Variants in ATP1B3 observed in about 807,000 individuals in gnomAD.
ATP1B3 encodes the protein sodium/potassium-transporting ATPase subunit beta-3.
ATP1B3 carries 10 observed loss-of-function variants against 30.2 expected under a neutral mutation model. The observed-to-expected ratio is 0.33, with a 90% confidence interval of 0.20 to 0.56. ATP1B3 has a LOEUF of 0.56. Among genes scored for constraint, ATP1B3 ranks in the 20% least tolerant of loss-of-function variants. The pLI, the probability that ATP1B3 is intolerant of heterozygous loss-of-function variation, is 0.90. For missense variants in ATP1B3, 238 were observed against 336.7 expected (o/e 0.71, Z 2.29); for synonymous variants, 113 against 117.0 (o/e 0.97, Z 0.22).
At chr3:141,916,166 A>C (rs1322083039) in intron 5 of ATP1B3, 146 bp downstream of exon 5, 1 of 656,344 alleles carries the variant, frequency 1.5e-6, no homozygotes, top group Non-Finnish European at 2.6e-6. Context: ...CACCAACCGT[A>C]GTCTTTCTCT....
chr3:141,907,034 G>A (rs1187112403), intron 2 of ATP1B3, 133 bp from the exon 3 acceptor site: 1 of 522,214 alleles, frequency 1.9e-6, no homozygotes, highest in East Asian at 3.3e-5. Flanking sequence ...TTAGAATTGG[G>A]AAGTTCTTGA....
chr3:141,884,442 CT>C (rs1933792654), intron 1 of ATP1B3, among the ~76,000 whole-genome samples: 1 of 152,092 alleles, frequency 6.6e-6, no homozygotes. Context: ...CTCTTCCTGT[CT>C]TCTAAGTGTT....
intron 1 of ATP1B3, among the ~76,000 whole-genome samples, chr3:141,886,585 A>G (rs1232600359): frequency 6.6e-6 from 1 of 152,232 alleles, no homozygotes; most frequent in Non-Finnish European, 1.5e-5. Context: ...GATGCATCTC[A>G]GAATACACCA....
Position 141,920,640 on chromosome 3 carries a change from A to G in ATP1B3, c.583-1337A>G, listed in dbSNP as rs1486568847. On this transcript the variant is annotated intron_variant, in intron 5 of 6. Transcript: ENST00000286371. ...ATGTGTTCTGTGAAGGTCATATATT[A>G]AGGTAAAATAGGTTCAACAAAAGCA... 2.0e-5 allele frequency among the ~76,000 whole-genome samples: 3 copies of G among 152,160 alleles called. No individual in the cohort carries two copies. The East Asian group carries it at 5.8e-4, about 29-fold the overall frequency.
chr3:141,897,705 G>T (rs1301682917), intron 1 of ATP1B3, among the ~76,000 whole-genome samples: 1 of 151,994 alleles, frequency 6.6e-6, no homozygotes, highest in Non-Finnish European at 1.5e-5. Flanking sequence ...TCGGGTTTTT[G>T]TTTTTGTTTT....
chr3:141,925,752 T>C lies in ATP1B3; in HGVS notation c.*51T>C, dbSNP rs1934647623. ...AAATGTTGTGTTGTCTGTCTTCATT[T>C]TGTAACAGCTGGACCTTCCATTCTA... is the stretch of plus-strand genomic sequence containing the variant. On this transcript the variant is annotated 3_prime_UTR_variant, in exon 7 of 7. Transcript: ENST00000286371. 1.9e-6 allele frequency: 3 copies of C among 1,571,436 alleles called. No individual in the cohort carries two copies. The highest frequency in any genetic ancestry group is 2.6e-6 in the Non-Finnish European group (3 of 1,158,576).
At chr3:141,897,468 G>A (rs1389044849) in intron 1 of ATP1B3, among the ~76,000 whole-genome samples, 1 of 152,156 alleles carries the variant, frequency 6.6e-6, no homozygotes, top group Non-Finnish European at 1.5e-5. Context: ...TTTATTTAGA[G>A]AATGGGAGTT....
chr3:141,900,313 C>T (rs192178473), intron 1 of ATP1B3, among the ~76,000 whole-genome samples: 161 of 152,220 alleles, frequency 1.1e-3, no homozygotes, highest in African/African-American at 3.8e-3. Flanking sequence ...ATCATACCTA[C>T]ATAATGAAAC....
intron 6 of ATP1B3, among the ~76,000 whole-genome samples, chr3:141,925,240 A>G (rs1443603839): frequency 6.6e-6 from 1 of 152,144 alleles, no homozygotes; most frequent in Non-Finnish European, 1.5e-5. Flanking sequence ...GGTGAGGTGG[A>G]AGGGCCATTT....
In ATP1B3 at chr3:141,903,611, C is replaced by A; in HGVS notation, c.110-9C>A. On this transcript the variant is annotated splice_polypyrimidine_tract_variant and intron_variant, in intron 1 of 6. Coordinates refer to ENST00000286371, the MANE Select transcript of ATP1B3 (RefSeq NM_001679.4). ...GTGCACATTTCATAAGTTTTATTTT[C>A]TTTTACAGGTTTGATCTTGCTCTTC... 6.2e-7 allele frequency: 1 copy of A among 1,613,192 alleles called. No homozygotes were observed. The highest frequency in any genetic ancestry group is 8.5e-7 in the Non-Finnish European group (1 of 1,179,406).
intron 1 of ATP1B3, chr3:141,902,152 A>G (rs1019301307): frequency 7.8e-7 from 1 of 1,289,724 alleles, no homozygotes; most frequent in Non-Finnish European, 1.0e-6. Flanking sequence ...AGTATGTGGT[A>G]GGGAAGTGAT....
At chr3:141,893,289 G>A (rs750830302) in intron 1 of ATP1B3, among the ~76,000 whole-genome samples, 16 of 152,028 alleles carry the variant, frequency 1.1e-4, no homozygotes, top group Admixed American at 1.3e-4. Context: ...GATTACAGAC[G>A]TGAGCCACCA....
intron 1 of ATP1B3, among the ~76,000 whole-genome samples, chr3:141,879,832 T>TTTTC (rs1407894912): frequency 4.2e-5 from 6 of 141,960 alleles, no homozygotes; most frequent in African/African-American, 9.9e-5. Context: ...TTTTTTTTTT[T>TTTTC]TTTAAGAAAA....
intron 5 of ATP1B3, chr3:141,916,428 C>T (rs1158897601): frequency 5.3e-6 from 3 of 567,124 alleles, no homozygotes; most frequent in Non-Finnish European, 9.1e-6. Context: ...AAATATGGTG[C>T]ATTTTCCTTA....
chr3:141,886,920 T>A (rs921036881), intron 1 of ATP1B3, among the ~76,000 whole-genome samples: 2 of 152,190 alleles, frequency 1.3e-5, no homozygotes, highest in African/African-American at 4.8e-5. Flanking sequence ...GGACAATCAC[T>A]TGAGCCTGGG....
intron 4 of ATP1B3, 129 bp downstream of exon 4, chr3:141,913,965 G>A: frequency 2.3e-6 from 2 of 861,194 alleles, no homozygotes; most frequent in South Asian, 4.3e-5. Context: ...GGGGTAGCTT[G>A]CTTTAAAGAC....
intron 1 of ATP1B3, among the ~76,000 whole-genome samples, chr3:141,883,807 C>G (rs1269336781): frequency 1.3e-5 from 2 of 152,142 alleles, no homozygotes; most frequent in Non-Finnish European, 2.9e-5. Context: ...ATTGTCCCCT[C>G]AATTTTGGGG....
chr3:141,897,905 T>C (rs1278199404), intron 1 of ATP1B3, among the ~76,000 whole-genome samples: 1 of 152,206 alleles, frequency 6.6e-6, no homozygotes, highest in Non-Finnish European at 1.5e-5. Context: ...AGACTGGTTT[T>C]CACCATGTTG....
At chr3:141,912,318 A>G (rs1198480720) in intron 3 of ATP1B3, among the ~76,000 whole-genome samples, 2 of 152,094 alleles carry the variant, frequency 1.3e-5, no homozygotes, top group East Asian at 3.9e-4. Context: ...TGTGTCGCCC[A>G]GGCTGGAGTG....
Sources: allele counts gnomAD v4.1 joint callset (sites outside exome capture counted in the v4.1 genomes callset), GRCh38; gene constraint gnomAD v4.1.1; transcripts MANE v1.5; gene names NCBI Gene and HGNC (gene_info 2026-07-23, HGNC 2026-07-21).